The following ZNF385D variants were observed in gnomAD, a reference collection of about 807,000 sequenced individuals.
The protein encoded by ZNF385D is zinc finger protein 659.
Under a neutral mutation model 35.8 loss-of-function variants are expected in ZNF385D, and 15 were observed. That is an observed-to-expected ratio of 0.42 (90% CI 0.28 to 0.64). ZNF385D has a LOEUF of 0.64. Ranked by LOEUF, ZNF385D falls within the 30% of genes least tolerant of loss-of-function variation. The probability of loss-of-function intolerance (pLI) is 0.23; values close to 1 mark genes in which losing one functional copy is unlikely to be tolerated. For missense variants in ZNF385D, 474 were observed against 494.6 expected (o/e 0.96, Z 0.39); for synonymous variants, 212 against 186.8 (o/e 1.13, Z -1.10).
chr3:21,882,361 C>T (rs187087895), intron 3 of ZNF385D, among the ~76,000 whole-genome samples: 36 of 152,058 alleles, frequency 2.4e-4, no homozygotes, highest in African/African-American at 7.2e-4. Context: ...ATTATGACTA[C>T]GTGGTGCTTC....
intron 2 of ZNF385D, among the ~76,000 whole-genome samples, chr3:22,263,731 G>T (rs531436765): frequency 6.6e-6 from 1 of 151,972 alleles, no homozygotes; most frequent in East Asian, 2.0e-4. Flanking sequence ...TTCTCAACCA[G>T]GGGCAGTTTT....
At chr3:21,746,158 A>T (rs1214115126) in intron 1 of ZNF385D, among the ~76,000 whole-genome samples, 1 of 152,208 alleles carries the variant, frequency 6.6e-6, no homozygotes, top group Admixed American at 6.5e-5. Flanking sequence ...GTCAGAAACC[A>T]CTAATTTAAA....
intron 2 of ZNF385D, among the ~76,000 whole-genome samples, chr3:22,267,425 A>T (rs996823663): frequency 1.6e-4 from 24 of 151,862 alleles, no homozygotes; most frequent in Non-Finnish European, 2.4e-4. Flanking sequence ...TGAAAAAAAA[A>T]TATAAGGTAA....
At chr3:22,332,878 C>G (rs530190024) in intron 2 of ZNF385D, among the ~76,000 whole-genome samples, 1 of 151,382 alleles carries the variant, frequency 6.6e-6, no homozygotes, top group Non-Finnish European at 1.5e-5. Flanking sequence ...TATTTATAAA[C>G]ATGTATAGCA....
At position 22,144,140 on chromosome 3, in the gene ZNF385D, A is replaced by C. The variant is rs576714587; in HGVS notation, c.325+24677T>G. ...TTTGCATGAGCTTTGACAACTACAA[A>C]AGAATTCAATTTTTAGCTAAATTTA... On this transcript the variant is annotated intron_variant, in intron 3 of 5. Coordinates refer to the ZNF385D transcript ENST00000494108. Among the ~76,000 whole-genome samples the C allele has an allele frequency of 1.4e-4, 21 of 152,352 alleles. No individual in the cohort carries two copies. In the East Asian group the frequency reaches 4.0e-3, roughly 29 times the overall value.
intron 2 of ZNF385D, among the ~76,000 whole-genome samples, chr3:21,602,517 C>CCTTTTTTTTTTTTTTT (rs2064333283): frequency 3.2e-5 from 2 of 62,710 alleles, no homozygotes; most frequent in Admixed American, 1.5e-4. Flanking sequence ...CCTGCATTTT[C>CCTTTTTTTTTTTTTTT]TTTTTTTTTT....
intron 3 of ZNF385D, among the ~76,000 whole-genome samples, chr3:22,087,408 T>A (rs2593318): frequency 0.78 from 118,812 of 152,054 alleles, 47,216 homozygotes; most frequent in Non-Finnish European, 0.84. Flanking sequence ...TATGGAACTA[T>A]GTTCTCCCCA....
intron 3 of ZNF385D, among the ~76,000 whole-genome samples, chr3:21,559,290 C>T (rs1456573018): frequency 6.6e-6 from 1 of 152,136 alleles, no homozygotes; most frequent in South Asian, 2.1e-4. Flanking sequence ...TATGTTTTTG[C>T]AGTGGCTGGT....
At chr3:21,915,863 C>T (rs1051335937) in intron 3 of ZNF385D, among the ~76,000 whole-genome samples, 3 of 152,034 alleles carry the variant, frequency 2.0e-5, no homozygotes, top group African/African-American at 7.2e-5. Context: ...AGAACTTTAC[C>T]AAACACGGCA....
At chr3:21,549,114 C>G (rs1559393548) in intron 3 of ZNF385D, among the ~76,000 whole-genome samples, 1 of 152,094 alleles carries the variant, frequency 6.6e-6, no homozygotes, top group Non-Finnish European at 1.5e-5. Context: ...TTTTCCATGT[C>G]TAAGAGAAGT....
intron 2 of ZNF385D, among the ~76,000 whole-genome samples, chr3:22,241,862 A>G (rs1699511281): frequency 6.6e-6 from 1 of 150,972 alleles, no homozygotes; most frequent in African/African-American, 2.5e-5. Context: ...TAACTCTTGA[A>G]TATTCTGAAT....
At chr3:21,922,858 G>A (rs747286698) in intron 3 of ZNF385D, among the ~76,000 whole-genome samples, 1 of 152,044 alleles carries the variant, frequency 6.6e-6, no homozygotes, top group Non-Finnish European at 1.5e-5. Context: ...CCTACAGAAT[G>A]GGAGAAAATA....
chr3:21,739,750 G>C (rs2069421269), intron 1 of ZNF385D, among the ~76,000 whole-genome samples: 1 of 152,116 alleles, frequency 6.6e-6, no homozygotes, highest in African/African-American at 2.4e-5. Flanking sequence ...ACCTGCAATT[G>C]ATCTTTGGGG....
At chr3:21,901,645 G>A (rs1181522812) in intron 3 of ZNF385D, among the ~76,000 whole-genome samples, 2 of 152,046 alleles carry the variant, frequency 1.3e-5, no homozygotes, top group Non-Finnish European at 1.5e-5. Flanking sequence ...AGTTTAGGAT[G>A]GTTAAATAAA....
chr3:21,478,398 G>C (rs1004088262), intron 4 of ZNF385D, among the ~76,000 whole-genome samples: 2 of 152,086 alleles, frequency 1.3e-5, no homozygotes, highest in East Asian at 3.9e-4. Context: ...GGATAAAAGA[G>C]TTGAAGTAAC....
At chr3:22,154,615 C>T (rs1705468042) in intron 3 of ZNF385D, among the ~76,000 whole-genome samples, 1 of 152,152 alleles carries the variant, frequency 6.6e-6, no homozygotes, top group South Asian at 2.1e-4. Flanking sequence ...TCCTTCAAGC[C>T]TTGGCATCTC....
intron 1 of ZNF385D, among the ~76,000 whole-genome samples, chr3:21,710,131 T>G (rs1369336998): frequency 2.0e-5 from 3 of 151,596 alleles, no homozygotes; most frequent in African/African-American, 4.9e-5. Context: ...CTTTCAGGAG[T>G]TGGGTATGGG....
chr3:21,550,139 C>A (rs1477884268), intron 3 of ZNF385D, among the ~76,000 whole-genome samples: 1 of 152,022 alleles, frequency 6.6e-6, no homozygotes, highest in Non-Finnish European at 1.5e-5. Context: ...TTCAAGCATA[C>A]TTATAAAGAA....
chr3:22,033,641 T>C (rs1243158999), intron 3 of ZNF385D, among the ~76,000 whole-genome samples: 1 of 151,834 alleles, frequency 6.6e-6, no homozygotes, highest in East Asian at 1.9e-4. Flanking sequence ...CTAAAATCAC[T>C]CGATGAACTA....
Sources: gnomAD v4.1 joint callset for allele counts (sites outside exome capture counted in the v4.1 genomes callset) on GRCh38, gnomAD v4.1.1 for gene constraint, MANE v1.5 for transcripts, NCBI Gene and HGNC (gene_info 2026-07-23, HGNC 2026-07-21) for gene names.